Variants in RBKS observed in about 807,000 individuals in gnomAD.
The protein encoded by RBKS is ribokinase.
RBKS carries 33 observed loss-of-function variants against 33.9 expected under a neutral mutation model. The observed-to-expected ratio is 0.97, with a 90% CI of 0.74 to 1.30. The LOEUF (loss-of-function observed/expected upper bound fraction) is 1.30, where lower values mean the gene tolerates loss of function less well. Among genes scored for constraint, RBKS ranks in the 50% most tolerant of loss-of-function variants. The probability of loss-of-function intolerance (pLI) is 0.00; values close to 1 mark genes in which losing one functional copy is unlikely to be tolerated. For missense variants in RBKS, 361 were observed against 392.6 expected (o/e 0.92, Z 0.68); for synonymous variants, 125 against 143.0 (o/e 0.87, Z 0.90).
intron 7 of RBKS, among the ~76,000 whole-genome samples, chr2:27,787,535 C>T (rs113257401): frequency 2.6e-5 from 4 of 152,188 alleles, no homozygotes; most frequent in African/African-American, 9.7e-5. Flanking sequence ...GCTGGGATTA[C>T]AGGTACGAGC....
chr2:27,828,296 C>CAA (rs376004818), intron 6 of RBKS, among the ~76,000 whole-genome samples: 4 of 142,022 alleles, frequency 2.8e-5, no homozygotes, highest in African/African-American at 5.2e-5. Flanking sequence ...AGAAGTCTAC[C>CAA]AAAAAAAAAA....
At chr2:27,856,233 T>C (rs1663853485) in intron 2 of RBKS, among the ~76,000 whole-genome samples, 1 of 152,246 alleles carries the variant, frequency 6.6e-6, no homozygotes, top group African/African-American at 2.4e-5. Flanking sequence ...AGTCATGTTT[T>C]TTGATCCTCT....
In RBKS at chr2:27,837,018, A is replaced by AT. The variant is rs760919926; in HGVS notation, c.515-4242dup. Among the ~76,000 whole-genome samples, 6 of 152,154 alleles carry AT rather than the reference A, an allele frequency of 3.9e-5. No homozygotes were observed. Among genetic ancestry groups the AT allele is most frequent in the African/African-American group, 9.7e-5 (4 of 41,380 alleles). Reference sequence around the variant, plus strand: ...CCAGCCGAGGTGGCTCACACCTGTAATCCCAGCACTTTGGGCGGCCGAGGC... The same window carrying AT: ...CCAGCCGAGGTGGCTCACACCTGTAATTCCCAGCACTTTGGGCGGCCGAGGC... On this transcript the variant is annotated intron_variant, in intron 5 of 7. Transcript: ENST00000302188. This position sits in a 1 kb window ranked among gnomAD's most constrained non-coding sequence, Gnocchi z 4.0.
At chr2:27,834,948 A>G (rs1678487690) in intron 5 of RBKS, among the ~76,000 whole-genome samples, 1 of 152,184 alleles carries the variant, frequency 6.6e-6, no homozygotes, top group Non-Finnish European at 1.5e-5. Flanking sequence ...GAAAACACAA[A>G]AAGAAACTTT....
chr2:27,870,988 C>G (rs1664198963), intron 1 of RBKS: 1 of 425,120 alleles, frequency 2.4e-6, no homozygotes, highest in African/African-American at 2.0e-5. Flanking sequence ...TTAATCCACT[C>G]TAACAATTGT....
intron 1 of RBKS, chr2:27,861,354 G>C: frequency 2.4e-6 from 1 of 413,124 alleles, no homozygotes; most frequent in Non-Finnish European, 5.1e-6. Context: ...TAGGGAAGCA[G>C]GGGGAGACTG....
chr2:27,860,920 T>C (rs1213708415), intron 1 of RBKS, among the ~76,000 whole-genome samples: 4 of 152,182 alleles, frequency 2.6e-5, no homozygotes, highest in Non-Finnish European at 4.4e-5. Flanking sequence ...ATTTGCTGAT[T>C]GAACAGATTT....
At chr2:27,817,146 C>A (rs1678110505) in intron 7 of RBKS, among the ~76,000 whole-genome samples, 1 of 152,146 alleles carries the variant, frequency 6.6e-6, no homozygotes, top group African/African-American at 2.4e-5. Context: ...TGCAGAGGGC[C>A]TGTTATTATA....
At chr2:27,886,478 A>C (rs1463879731) in intron 1 of RBKS, among the ~76,000 whole-genome samples, 1 of 152,222 alleles carries the variant, frequency 6.6e-6, no homozygotes, top group Non-Finnish European at 1.5e-5. Context: ...ATCAGTTTAT[A>C]AAGTTAACAA....
intron 7 of RBKS, among the ~76,000 whole-genome samples, chr2:27,813,881 C>T (rs796162024): frequency 1.4e-4 from 22 of 152,162 alleles, no homozygotes; most frequent in African/African-American, 2.4e-4. Flanking sequence ...TGACAAAGAA[C>T]GAGACATTTT....
At chr2:27,863,957 GTTAT>G (rs1226091797) in intron 1 of RBKS, among the ~76,000 whole-genome samples, 5 of 152,082 alleles carry the variant, frequency 3.3e-5, no homozygotes, top group Non-Finnish European at 7.4e-5. Flanking sequence ...AGACGTATAT[GTTAT>G]TTATTTAAGG....
At position 27,840,354 on chromosome 2, in the gene RBKS, A is replaced by ACACG. The variant is rs1420115688; in HGVS notation, c.514+2712_514+2713insCGTG. On this transcript the variant is annotated intron_variant, in intron 5 of 7. Coordinates refer to ENST00000302188, the MANE Select transcript of RBKS (RefSeq NM_022128.3). ...CACACACACACACACACACACACACACGCGCGCGCGCACACACACACACAC... is the reference window on the plus strand; with the variant it reads ...CACACACACACACACACACACACACACACGCGCGCGCGCGCACACACACACACAC... Among the ~76,000 whole-genome samples, 131 of 108,386 alleles carry ACACG rather than the reference A, an allele frequency of 1.2e-3. 2 individuals are homozygous for ACACG. Among genetic ancestry groups the ACACG allele is most frequent in the South Asian group, 8.6e-4 (3 of 3,504 alleles). 71.1% of individuals were successfully genotyped at this position (108,386 alleles called of 152,430 possible).
At chr2:27,857,296 A>G (rs903300722) in intron 2 of RBKS, among the ~76,000 whole-genome samples, 1 of 152,220 alleles carries the variant, frequency 6.6e-6, no homozygotes, top group Non-Finnish European at 1.5e-5. Flanking sequence ...CTAAAAATCA[A>G]AGAAACACAA....
chr2:27,805,614 G>A (rs915529580), intron 7 of RBKS, among the ~76,000 whole-genome samples: 7 of 151,828 alleles, frequency 4.6e-5, no homozygotes, highest in Admixed American at 1.3e-4. Flanking sequence ...TCACTCTGTC[G>A]CCCAGGCTGG....
At position 27,858,464 on chromosome 2, in the gene RBKS, C is replaced by T. The variant is rs1183871698; in HGVS notation, c.197G>A (p.Gly66Glu). ...ANQCVQAARL[G>E]AMTSMVCKVG... is the part of the protein sequence containing the mutation. Reference sequence around the variant, plus strand: ...CTTACACACCATGGACGTCATTGCTCCAAGCCGAGCAGCTTGGACACACTG... The same window carrying T: ...CTTACACACCATGGACGTCATTGCTTCAAGCCGAGCAGCTTGGACACACTG... The change falls in exon 2 of 8, where the codon GGA (glycine) becomes GAA (glutamate). Residue 66 changes from glycine (G) to glutamate (E), a missense_variant. Coordinates refer to ENST00000302188, the MANE Select transcript of RBKS (RefSeq NM_022128.3). 1.2e-6 allele frequency: 2 copies of T among 1,614,020 alleles called. No individual in the cohort carries two copies. Among genetic ancestry groups the T allele is most frequent in the Admixed American group, 1.7e-5 (1 of 59,982 alleles).
intron 7 of RBKS, among the ~76,000 whole-genome samples, chr2:27,797,808 G>C (rs1196088432): frequency 6.6e-6 from 1 of 152,172 alleles, no homozygotes; most frequent in Non-Finnish European, 1.5e-5. Context: ...AGTCTGACCT[G>C]GATCAGGAAA....
chr2:27,786,455 T>C lies in RBKS; in HGVS notation c.796-4667A>G, dbSNP rs372043577. Among the ~76,000 whole-genome samples, 39 of 152,306 alleles carry C rather than the reference T, an allele frequency of 2.6e-4. No homozygotes were observed. The East Asian group carries it at 7.0e-3, about 27-fold the overall frequency. On this transcript the variant is annotated intron_variant, in intron 7 of 7. Coordinates refer to ENST00000302188, the MANE Select transcript of RBKS (RefSeq NM_022128.3). ...CCTAACCCTCTGTTAGCTAGCAGGGTATTTTTTGGCTGCAGACAAGGTTTT... is the reference window on the plus strand; with the variant it reads ...CCTAACCCTCTGTTAGCTAGCAGGGCATTTTTTGGCTGCAGACAAGGTTTT...
At chr2:27,867,796 G>A (rs540985063) in intron 1 of RBKS, among the ~76,000 whole-genome samples, 1 of 152,210 alleles carries the variant, frequency 6.6e-6, no homozygotes, top group South Asian at 2.1e-4. Flanking sequence ...GTATGTATAG[G>A]GGATTAGGAA....
chr2:27,788,962 C>A (rs114541589), intron 7 of RBKS, among the ~76,000 whole-genome samples: 1 of 152,170 alleles, frequency 6.6e-6, no homozygotes, highest in East Asian at 1.9e-4. Flanking sequence ...ATAAAAATCC[C>A]AGCTGCCAAC....
Sources: gnomAD v4.1 joint callset for allele counts (sites outside exome capture counted in the v4.1 genomes callset) on GRCh38, gnomAD v4.1.1 for gene constraint, Gnocchi (gnomAD v3.1) non-coding constraint, MANE v1.5 for transcripts, NCBI Gene and HGNC (gene_info 2026-07-23, HGNC 2026-07-21) for gene names.